The following ADAMTSL1 variants were observed in gnomAD, a reference collection of about 807,000 sequenced individuals.
ADAMTSL1 encodes the protein ADAMTS-like protein 1.
In ADAMTSL1, 126 loss-of-function variants were observed where a neutral mutation model predicts 201.8. The observed-to-expected ratio is 0.62, with a 90% confidence interval of 0.54 to 0.72. The LOEUF is 0.72. Ranked by LOEUF, ADAMTSL1 falls within the 30% of genes least tolerant of loss-of-function variation. The pLI, the probability that ADAMTSL1 is intolerant of heterozygous loss-of-function variation, is 0.00. For missense variants in ADAMTSL1, 2,679 were observed against 2,277.8 expected (o/e 1.18, Z -3.59); for synonymous variants, 1,121 against 903.4 (o/e 1.24, Z -4.32).
intron 3 of ADAMTSL1, among the ~76,000 whole-genome samples, chr9:18,562,578 G>T (rs1332440796): frequency 6.6e-6 from 1 of 152,126 alleles, no homozygotes; most frequent in African/African-American, 2.4e-5. Flanking sequence ...TGCTAGGTTG[G>T]GGAAGTCTCC....
intron 15 of ADAMTSL1, 111 bp downstream of exon 15, chr9:18,721,776 A>G (rs1017908431): frequency 9.6e-6 from 14 of 1,451,734 alleles, no homozygotes; most frequent in Middle Eastern, 1.8e-4. Flanking sequence ...TTGAAAACCA[A>G]TTAGCATCAG....
intron 23 of ADAMTSL1, among the ~76,000 whole-genome samples, chr9:18,868,206 C>T (rs879502710): frequency 2.0e-5 from 3 of 152,148 alleles, no homozygotes; most frequent in Non-Finnish European, 4.4e-5. Context: ...CCTCAGTATG[C>T]ACACATTTTT....
chr9:18,404,144 A>G (rs1325030310), intron 2 of ADAMTSL1, among the ~76,000 whole-genome samples: 1 of 152,174 alleles, frequency 6.6e-6, no homozygotes, highest in Admixed American at 6.5e-5. Context: ...CTATCTCATC[A>G]CATTCTAGTT....
chr9:17,936,630 T>C (rs1755288), intron 1 of ADAMTSL1, among the ~76,000 whole-genome samples: 83,323 of 151,996 alleles, frequency 0.55, 23,495 homozygotes, highest in East Asian at 0.89. Flanking sequence ...TCTCTCCCTT[T>C]TCCTACCTGC....
intron 23 of ADAMTSL1, among the ~76,000 whole-genome samples, chr9:18,838,382 C>CAA (rs778793589): frequency 0.092 from 13,072 of 142,274 alleles, 810 homozygotes; most frequent in East Asian, 0.21. Context: ...CACACACACA[C>CAA]ACACACACAC....
At chr9:18,197,598 C>A (rs1314135463) in intron 2 of ADAMTSL1, among the ~76,000 whole-genome samples, 1 of 147,888 alleles carries the variant, frequency 6.8e-6, no homozygotes, top group African/African-American at 2.5e-5. Context: ...ATGCGGTTTT[C>A]TAGATATACA....
At chr9:18,551,484 A>G (rs1009186146) in intron 3 of ADAMTSL1, among the ~76,000 whole-genome samples, 1 of 150,652 alleles carries the variant, frequency 6.6e-6, no homozygotes, top group Non-Finnish European at 1.5e-5. Flanking sequence ...TGTTTAGTAA[A>G]TCTTGCTTGT....
chr9:18,606,001 G>A (rs1824988154), intron 4 of ADAMTSL1, among the ~76,000 whole-genome samples: 1 of 152,240 alleles, frequency 6.6e-6, no homozygotes, highest in Middle Eastern at 3.4e-3. Context: ...GACACTGCGT[G>A]GTACAAACCA....
chr9:18,454,359 T>C (rs921734461), intron 2 of ADAMTSL1, among the ~76,000 whole-genome samples: 2 of 152,158 alleles, frequency 1.3e-5, no homozygotes, highest in Non-Finnish European at 2.9e-5. Context: ...CCCTAGCCGA[T>C]TGGATGGTGC....
chr9:18,221,542 C>CT (rs1192413487), intron 2 of ADAMTSL1, among the ~76,000 whole-genome samples: 2 of 152,000 alleles, frequency 1.3e-5, no homozygotes, highest in Admixed American at 6.6e-5. Flanking sequence ...CCTTATTTTA[C>CT]TTTTTTTGAA....
At chr9:18,867,162 C>T (rs1325487622) in intron 23 of ADAMTSL1, among the ~76,000 whole-genome samples, 1 of 152,196 alleles carries the variant, frequency 6.6e-6, no homozygotes, top group East Asian at 1.9e-4. Context: ...GCAGATTCTG[C>T]CACACACAGC....
chr9:18,319,636 G>C (rs1586888323), intron 2 of ADAMTSL1, among the ~76,000 whole-genome samples: 1 of 152,076 alleles, frequency 6.6e-6, no homozygotes, highest in Non-Finnish European at 1.5e-5. Context: ...TCCAGGAGGG[G>C]GTCTGACCCT....
intron 2 of ADAMTSL1, among the ~76,000 whole-genome samples, chr9:18,235,195 T>C (rs577198816): frequency 1.0e-3 from 155 of 152,322 alleles, no homozygotes; most frequent in Admixed American, 2.9e-3. Flanking sequence ...CCGATTTTCA[T>C]TGATATTCAT....
chr9:18,724,643 T>C (rs953004851), intron 15 of ADAMTSL1, among the ~76,000 whole-genome samples: 4 of 152,234 alleles, frequency 2.6e-5, no homozygotes, highest in Non-Finnish European at 5.9e-5. Flanking sequence ...CTCCTTTCTA[T>C]ATTTCTGACA....
chr9:18,750,958 C>T (rs1819437387), intron 15 of ADAMTSL1, among the ~76,000 whole-genome samples: 3 of 152,198 alleles, frequency 2.0e-5, no homozygotes, highest in Admixed American at 6.5e-5. Context: ...TTCCCCACCA[C>T]CGTGAGTGGG....
chr9:17,977,756 A>G (rs1377691211), intron 1 of ADAMTSL1, among the ~76,000 whole-genome samples: 1 of 152,060 alleles, frequency 6.6e-6, no homozygotes, highest in East Asian at 1.9e-4. Context: ...GTTCTTGAAG[A>G]AGATGTATTT....
chr9:18,077,918 T>C (rs908867750), intron 1 of ADAMTSL1, among the ~76,000 whole-genome samples: 8 of 152,134 alleles, frequency 5.3e-5, no homozygotes, highest in African/African-American at 9.7e-5. Flanking sequence ...GGAAGTTTCA[T>C]GGGTGAGAAG....
chr9:18,075,802 T>C (rs1353902023), intron 1 of ADAMTSL1, among the ~76,000 whole-genome samples: 1 of 152,108 alleles, frequency 6.6e-6, no homozygotes, highest in Non-Finnish European at 1.5e-5. Flanking sequence ...CCAAGCTGAG[T>C]GTTGAACTAA....
At chr9:18,215,269 A>G (rs1397085093) in intron 2 of ADAMTSL1, among the ~76,000 whole-genome samples, 4 of 152,190 alleles carry the variant, frequency 2.6e-5, no homozygotes, top group Non-Finnish European at 5.9e-5. Flanking sequence ...GAAGTTTGTC[A>G]AAATTGAAAA....
Sources: allele counts gnomAD v4.1 joint callset (sites outside exome capture counted in the v4.1 genomes callset), GRCh38; gene constraint gnomAD v4.1.1; transcripts MANE v1.5; gene names NCBI Gene and HGNC (gene_info 2026-07-23, HGNC 2026-07-21).